MAD1L1: variants seen among roughly 807,000 people sequenced by gnomAD.
MAD1L1 encodes mitotic arrest deficient 1 like 1.
MAD1L1 carries 95 observed loss-of-function variants against 96.9 expected under a neutral mutation model. That is an observed-to-expected ratio of 0.98 (90% CI 0.83 to 1.16). The LOEUF is 1.16. Ranked by LOEUF, MAD1L1 falls within the 50% of genes most tolerant of loss-of-function variation. MAD1L1 has a pLI of 0.00. For synonymous variants in MAD1L1, 473 were observed against 396.6 expected (o/e 1.19, Z -2.29); for missense variants, 1,007 against 954.4 (o/e 1.06, Z -0.73).
chr7:2,223,683 A>C (rs1180225486), intron 4 of MAD1L1: 1 of 152,274 alleles, frequency 6.6e-6, no homozygotes, highest in Non-Finnish European at 1.5e-5. Flanking sequence ...GCTGCCTCAC[A>C]ACAACCAAGA....
chr7:1,864,792 C>A (rs949499174), intron 18 of MAD1L1, among the ~76,000 whole-genome samples: 1 of 152,148 alleles, frequency 6.6e-6, no homozygotes, highest in Non-Finnish European at 1.5e-5. Context: ...CTGGTGCCCC[C>A]CGCCCCCACT....
chr7:1,863,410 G>A (rs1055296458), intron 18 of MAD1L1, among the ~76,000 whole-genome samples: 7 of 152,226 alleles, frequency 4.6e-5, no homozygotes, highest in Admixed American at 6.5e-5. Flanking sequence ...AGGCCTGGGC[G>A]GGGAGACCTC....
chr7:1,850,568 G>A (rs775757490), intron 18 of MAD1L1, among the ~76,000 whole-genome samples: 1 of 152,192 alleles, frequency 6.6e-6, no homozygotes, highest in Non-Finnish European at 1.5e-5. Context: ...GCTTGACTCC[G>A]GGGAGCTGCA....
At chr7:2,104,497 G>A (rs540246010) in intron 11 of MAD1L1, among the ~76,000 whole-genome samples, 29 of 152,310 alleles carry the variant, frequency 1.9e-4, no homozygotes, top group East Asian at 1.5e-3. Flanking sequence ...CTGGACACTC[G>A]GAACACGCGC....
intron 14 of MAD1L1, among the ~76,000 whole-genome samples, chr7:1,985,573 G>A (rs546929417): frequency 6.6e-5 from 10 of 152,194 alleles, no homozygotes; most frequent in South Asian, 2.1e-4. Flanking sequence ...CTGTGTCTTC[G>A]GCTCTCAACA....
intron 10 of MAD1L1, among the ~76,000 whole-genome samples, chr7:2,180,425 C>A (rs1247466241): frequency 6.6e-6 from 1 of 152,192 alleles, no homozygotes; most frequent in African/African-American, 2.4e-5. Context: ...GAGCATCTAG[C>A]CTAAAGCATG....
chr7:1,958,247 G>GT lies in MAD1L1; in HGVS notation c.1506-529dup, dbSNP rs1779811635. 3.3e-5 allele frequency among the ~76,000 whole-genome samples: 5 copies of GT among 152,330 alleles called. No homozygotes were observed. The South Asian group carries it at 1.0e-3, about 32-fold the overall frequency. ...AAAGCACGCTTCCAGGCGACCCATGGTGAGTTCCCTTCTCCACAGTGGGAA... is the reference window on the plus strand; with the variant it reads ...AAAGCACGCTTCCAGGCGACCCATGGTTGAGTTCCCTTCTCCACAGTGGGAA... On this transcript the variant is annotated intron_variant, in intron 15 of 18. Transcript: ENST00000265854.
intron 18 of MAD1L1, among the ~76,000 whole-genome samples, chr7:1,882,959 A>C (rs1785781415): frequency 7.6e-6 from 1 of 131,388 alleles, no homozygotes. Context: ...GGTGTCACAA[A>C]CGACTCCAGG....
chr7:1,973,448 T>G (rs1283929501), intron 15 of MAD1L1, among the ~76,000 whole-genome samples: 1 of 150,908 alleles, frequency 6.6e-6, no homozygotes, highest in Non-Finnish European at 1.5e-5. Context: ...GCCCCTAGAG[T>G]GGGGATGCGT....
chr7:1,945,434 C>T (rs1293914548), intron 16 of MAD1L1, among the ~76,000 whole-genome samples: 1 of 152,200 alleles, frequency 6.6e-6, no homozygotes, highest in East Asian at 1.9e-4. Flanking sequence ...GTTAGAGTAA[C>T]GCAGGAAGTA....
At chr7:1,949,301 G>A (rs968389781) in intron 16 of MAD1L1, among the ~76,000 whole-genome samples, 15 of 152,342 alleles carry the variant, frequency 9.8e-5, no homozygotes, top group African/African-American at 3.6e-4. Context: ...CATGGTCTCA[G>A]GCTCTAAGGA....
intron 17 of MAD1L1, among the ~76,000 whole-genome samples, chr7:1,904,270 G>C (rs1787473850): frequency 1.3e-5 from 2 of 148,548 alleles, no homozygotes; most frequent in African/African-American, 5.2e-5. Flanking sequence ...CACTGTTCCA[G>C]GCAGTGAGGA....
intron 11 of MAD1L1, among the ~76,000 whole-genome samples, chr7:2,124,588 C>T (rs143372642): frequency 1.3e-5 from 2 of 152,302 alleles, no homozygotes; most frequent in African/African-American, 4.8e-5. Flanking sequence ...GCTAGGAAGA[C>T]TCTGGCAGAG....
In MAD1L1 at chr7:1,873,769, G is replaced by C. The variant is rs577517943; in HGVS notation, c.1998+24431C>G. On this transcript the variant is annotated intron_variant, in intron 18 of 18. Coordinates refer to ENST00000265854, the MANE Select transcript of MAD1L1 (RefSeq NM_001013836.2). ...GATGGACACCCCCACCGAAGCCCAAGCTGGCCCTGAAGCCCAGTGGGGAGA... is the reference window on the plus strand; with the variant it reads ...GATGGACACCCCCACCGAAGCCCAACCTGGCCCTGAAGCCCAGTGGGGAGA... Among the ~76,000 whole-genome samples the C allele has an allele frequency of 4.1e-5, 6 of 145,156 alleles. No individual in the cohort carries two copies. The Admixed American group carries it at 4.3e-4, about 10-fold the overall frequency.
intron 12 of MAD1L1, among the ~76,000 whole-genome samples, chr7:2,020,175 C>T (rs529172626): frequency 1.2e-4 from 18 of 152,280 alleles, no homozygotes; most frequent in Non-Finnish European, 2.2e-4. Context: ...CCTACAGTCC[C>T]GGGGTCAGCG....
At chr7:2,012,510 G>A (rs1165861963) in intron 13 of MAD1L1, among the ~76,000 whole-genome samples, 1 of 152,198 alleles carries the variant, frequency 6.6e-6, no homozygotes, top group Non-Finnish European at 1.5e-5. Flanking sequence ...TTCCCGTGAC[G>A]ACTGAAGGTC....
intron 10 of MAD1L1, among the ~76,000 whole-genome samples, chr7:2,171,781 C>T (rs1790720640): frequency 6.6e-6 from 1 of 151,916 alleles, no homozygotes; most frequent in Admixed American, 6.6e-5. Context: ...AGAAGCCCAG[C>T]AGTTGGAGGG....
chr7:1,836,394 T>C (rs1435058530), intron 18 of MAD1L1, among the ~76,000 whole-genome samples: 1 of 152,202 alleles, frequency 6.6e-6, no homozygotes, highest in African/African-American at 2.4e-5. Context: ...ACCTGTTTTA[T>C]CAGCCAAGTC....
At chr7:2,015,159 G>C (rs913548372) in intron 12 of MAD1L1, among the ~76,000 whole-genome samples, 8 of 152,218 alleles carry the variant, frequency 5.3e-5, no homozygotes, top group Non-Finnish European at 8.8e-5. Flanking sequence ...CGGACCTGTC[G>C]AGGGAGGGGA....
Sources: allele counts gnomAD v4.1 joint callset (sites outside exome capture counted in the v4.1 genomes callset), GRCh38; gene constraint gnomAD v4.1.1; transcripts MANE v1.5; gene names NCBI Gene and HGNC (gene_info 2026-07-23, HGNC 2026-07-21).